The following GYG1 variants were observed in gnomAD, a reference collection of about 807,000 sequenced individuals.
GYG1 encodes glycogenin 1.
A neutral mutation model predicts 41.9 loss-of-function variants in GYG1; 44 were observed. The ratio of observed to expected loss-of-function variants is 1.05; its 90% confidence interval spans 0.83 to 1.35. The LOEUF (loss-of-function observed/expected upper bound fraction) is 1.35, where lower values mean the gene tolerates loss of function less well. Ranked by LOEUF, GYG1 falls within the 40% of genes most tolerant of loss-of-function variation. GYG1 has a pLI of 0.00. For missense variants in GYG1, 429 were observed against 418.9 expected (o/e 1.02, Z -0.21); for synonymous variants, 141 against 158.1 (o/e 0.89, Z 0.81).
At chr3:149,001,645 A>C (rs1212002317) in intron 4 of GYG1, 2 of 152,174 alleles carry the variant, frequency 1.3e-5, no homozygotes, top group African/African-American at 4.8e-5. Flanking sequence ...AGAGCCTGCT[A>C]TCTAGCTAGC....
rs1024035973 is a variant in GYG1, at chr3:149,027,229, G to GT, written c.*297dup. On this transcript the variant is annotated 3_prime_UTR_variant, in exon 8 of 8. Coordinates refer to ENST00000345003, the MANE Select transcript of GYG1 (RefSeq NM_004130.4). ...GGAAACTCAAGATATTAAGATGGCT[G>GT]TATCAGTTCTTAAAATCTGCAGAGC... is the stretch of plus-strand genomic sequence containing the variant. 13 of 423,428 alleles carry GT rather than the reference G, an allele frequency of 3.1e-5. No homozygotes were observed. Among genetic ancestry groups the GT allele is most frequent in the Admixed American group, 3.0e-4 (8 of 26,414 alleles). The allele number at this position is 423,428 out of a possible 1,614,324, so 26.2% of individuals were successfully genotyped here. A position where few individuals can be genotyped will look rare whatever the true frequency, so the allele number is the denominator to read the frequency against.
chr3:148,996,352 A>G lies in GYG1; in HGVS notation c.194A>G (p.Asp65Gly). The G allele has an allele frequency of 6.2e-7, 1 of 1,612,120 alleles. No homozygotes were observed. ...GAAGTCATCATGGTAGATGTCTTGG[A>G]CAGTGGCGATTCTGCTCATCTAACC... is the stretch of plus-strand genomic sequence containing the variant. ...FDEVIMVDVL[D>G]SGDSAHLTLM... Residue 65 changes from aspartate to glycine, a missense_variant, in exon 3 of 8, where the codon GAC becomes GGC. Asp to Gly is a moderately conservative substitution (Grantham distance 94, BLOSUM62 -1). Transcript: ENST00000345003.
chr3:148,996,732 C>A lies in GYG1; in HGVS notation c.319-10C>A. 6.2e-7 allele frequency: 1 copy of A among 1,612,174 alleles called. No individual in the cohort carries two copies. Among genetic ancestry groups the A allele is most frequent in the Non-Finnish European group, 8.5e-7 (1 of 1,178,228 alleles). On this transcript the variant is annotated splice_polypyrimidine_tract_variant and intron_variant, in intron 3 of 7. Transcript: ENST00000345003. ...ACATTTCTGTAATGCTCTTTCTCCCCTTTGATCAGGTCCTAGCAAATATTG... is the reference window on the plus strand; with the variant it reads ...ACATTTCTGTAATGCTCTTTCTCCCATTTGATCAGGTCCTAGCAAATATTG...
chr3:149,004,711 T>A (rs1317123757), intron 4 of GYG1, among the ~76,000 whole-genome samples: 1 of 152,242 alleles, frequency 6.6e-6, no homozygotes, highest in East Asian at 1.9e-4. Context: ...TGTTGTCCCC[T>A]CTGGAGCCAA....
At chr3:149,010,623 G>A (rs1402070181) in intron 5 of GYG1, among the ~76,000 whole-genome samples, 4 of 150,856 alleles carry the variant, frequency 2.7e-5, no homozygotes, top group East Asian at 4.0e-4. Context: ...CACTGCTCCC[G>A]GCCCCTGGTG....
At chr3:148,994,869 A>G (rs9819699) in intron 2 of GYG1, among the ~76,000 whole-genome samples, 46,631 of 152,024 alleles carry the variant, frequency 0.31, 7,885 homozygotes, top group Middle Eastern at 0.45. Context: ...GTTCACTTTG[A>G]TCCGATGGAA....
intron 4 of GYG1, among the ~76,000 whole-genome samples, chr3:149,006,117 C>G (rs990157954): frequency 5.9e-5 from 8 of 136,358 alleles, no homozygotes; most frequent in Admixed American, 8.0e-5. Context: ...GAGTCTCACT[C>G]TGTCACCCTG....
intron 1 of GYG1, 28 bp from the exon 2 acceptor site, chr3:148,994,114 T>C: frequency 6.2e-7 from 1 of 1,605,728 alleles, no homozygotes; most frequent in Non-Finnish European, 8.5e-7. Context: ...GATACTGTAA[T>C]GAGTGTTTTT....
intron 5 of GYG1, among the ~76,000 whole-genome samples, chr3:149,015,507 G>C (rs1231655203): frequency 1.3e-5 from 2 of 152,180 alleles, no homozygotes; most frequent in African/African-American, 4.8e-5. Flanking sequence ...CAGAAGCCGA[G>C]CAAGGAAAAT....
intron 4 of GYG1, chr3:149,008,787 T>C (rs551828019): frequency 5.5e-6 from 1 of 180,946 alleles, no homozygotes; most frequent in African/African-American, 2.4e-5. Context: ...TCAATAGATA[T>C]TTGTCGAATT....
intron 6 of GYG1, among the ~76,000 whole-genome samples, chr3:149,025,187 C>T (rs1180773099): frequency 2.0e-5 from 3 of 152,196 alleles, no homozygotes; most frequent in Non-Finnish European, 4.4e-5. Flanking sequence ...GCACTAGACA[C>T]TGGTTTTGTG....
intron 4 of GYG1, among the ~76,000 whole-genome samples, chr3:148,997,507 GTTATAT>G (rs1476881550): frequency 6.6e-6 from 1 of 152,258 alleles, no homozygotes; most frequent in Non-Finnish European, 1.5e-5. Flanking sequence ...TGTATTTATA[GTTATAT>G]TTATATAATG....
Position 149,025,255 on chromosome 3 carries a change from C to T in GYG1, c.828+983C>T, listed in dbSNP as rs1007660080. On this transcript the variant is annotated intron_variant, in intron 6 of 7. Transcript: ENST00000345003. Reference sequence around the variant, plus strand: ...ATGGTTTCAGGATAAAACTGTTCCACCTCAGATCATCAGGCATTAGATTTT... The same window carrying T: ...ATGGTTTCAGGATAAAACTGTTCCATCTCAGATCATCAGGCATTAGATTTT... Among the ~76,000 whole-genome samples the T allele has an allele frequency of 5.8e-4, 88 of 152,312 alleles. 1 individual carries two copies. The highest frequency in any genetic ancestry group is 2.1e-3 in the African/African-American group (86 of 41,556).
intron 5 of GYG1, among the ~76,000 whole-genome samples, chr3:149,013,943 C>G (rs1328236419): frequency 6.6e-6 from 1 of 152,178 alleles, no homozygotes; most frequent in Non-Finnish European, 1.5e-5. Context: ...CATTTGTTGG[C>G]CTGCTGATCG....
chr3:149,022,596 A>G (rs1361710067), intron 5 of GYG1, among the ~76,000 whole-genome samples: 1 of 140,870 alleles, frequency 7.1e-6, no homozygotes, highest in African/African-American at 2.7e-5. Flanking sequence ...CCCGGGTTCA[A>G]GGGATTCTCC....
At chr3:148,993,824 A>G (rs1195598049) in intron 1 of GYG1, among the ~76,000 whole-genome samples, 1 of 152,226 alleles carries the variant, frequency 6.6e-6, no homozygotes, top group African/African-American at 2.4e-5. Context: ...TGATCTCTTC[A>G]TTACCATCTG....
At chr3:149,025,116 C>CT (rs1714583583) in intron 6 of GYG1, among the ~76,000 whole-genome samples, 1 of 152,192 alleles carries the variant, frequency 6.6e-6, no homozygotes, top group Non-Finnish European at 1.5e-5. Flanking sequence ...CATTCTTACT[C>CT]TGAGTTCTTT....
chr3:148,992,038 C>A (rs1403687742), intron 1 of GYG1, among the ~76,000 whole-genome samples: 1 of 152,158 alleles, frequency 6.6e-6, no homozygotes, highest in East Asian at 1.9e-4. Context: ...TGGGGAGCTG[C>A]CCCGGCCTCT....
intron 1 of GYG1, 85 bp from the exon 2 acceptor site, chr3:148,994,057 A>C (rs1712645182): frequency 2.4e-6 from 3 of 1,233,552 alleles, no homozygotes; most frequent in Non-Finnish European, 3.6e-6. Context: ...GGTTTTGCTG[A>C]ATTACTGTTT....
Sources: allele counts gnomAD v4.1 joint callset (sites outside exome capture counted in the v4.1 genomes callset), GRCh38; gene constraint gnomAD v4.1.1; transcripts MANE v1.5; gene names NCBI Gene and HGNC (gene_info 2026-07-23, HGNC 2026-07-21).